The following YAF2 variants were observed in gnomAD, a reference collection of about 807,000 sequenced individuals.
YAF2 encodes YY1-associated factor 2.
In YAF2, 7 loss-of-function variants were observed where a neutral mutation model predicts 20.1. The observed-to-expected ratio is 0.35, with a 90% CI of 0.20 to 0.65. YAF2 has a LOEUF of 0.65. Ranked by LOEUF, YAF2 falls within the 30% of genes least tolerant of loss-of-function variation. The pLI, the probability that YAF2 is intolerant of heterozygous loss-of-function variation, is 0.69. For synonymous variants in YAF2, 74 were observed against 76.0 expected (o/e 0.97, Z 0.14); for missense variants, 151 against 219.2 (o/e 0.69, Z 1.96).
At chr12:42,184,899 G>A (rs867774568) in intron 2 of YAF2, among the ~76,000 whole-genome samples, 9 of 152,224 alleles carry the variant, frequency 5.9e-5, no homozygotes, top group African/African-American at 1.9e-4. Flanking sequence ...GAATTAGGCC[G>A]GTGTGGTGGC....
chr12:42,188,221 G>A (rs1453576765), intron 2 of YAF2, among the ~76,000 whole-genome samples: 3 of 152,036 alleles, frequency 2.0e-5, no homozygotes, highest in African/African-American at 7.2e-5. Context: ...ACAGAAGAGA[G>A]AAAAAGGGAG....
chr12:42,180,119 T>TA (rs1166961131), intron 2 of YAF2, among the ~76,000 whole-genome samples: 1 of 152,206 alleles, frequency 6.6e-6, no homozygotes, highest in Non-Finnish European at 1.5e-5. Flanking sequence ...TGGCCACTAG[T>TA]AATCCCTGCC....
At chr12:42,195,645 G>C (rs924442822) in intron 2 of YAF2, among the ~76,000 whole-genome samples, 17 of 152,138 alleles carry the variant, frequency 1.1e-4, no homozygotes, top group Non-Finnish European at 2.1e-4. Context: ...TATTTACAAT[G>C]TACCTATTTT....
At chr12:42,191,307 G>A (rs2066606670) in intron 2 of YAF2, among the ~76,000 whole-genome samples, 2 of 152,072 alleles carry the variant, frequency 1.3e-5, no homozygotes, top group Non-Finnish European at 2.9e-5. Flanking sequence ...GATTATCAGT[G>A]TCTCTTTTTC....
intron 2 of YAF2, among the ~76,000 whole-genome samples, chr12:42,236,330 T>C (rs11181383): frequency 0.19 from 28,926 of 152,230 alleles, 2,882 homozygotes; most frequent in Admixed American, 0.25. Context: ...CAAATACTTT[T>C]TTTCTTTTTG....
At chr12:42,218,402 T>C (rs1431188638) in intron 2 of YAF2, among the ~76,000 whole-genome samples, 1 of 152,232 alleles carries the variant, frequency 6.6e-6, no homozygotes, top group Non-Finnish European at 1.5e-5. Flanking sequence ...ATGACTGTTG[T>C]TAGTATACCT....
At chr12:42,161,483 T>C (rs1325438772) in intron 3 of YAF2, 130 bp downstream of exon 3, 14 of 1,057,476 alleles carry the variant, frequency 1.3e-5, no homozygotes, top group Non-Finnish European at 1.6e-5. Flanking sequence ...CAGTAAAACC[T>C]TTCCTGATAC....
chr12:42,198,499 T>C (rs1222922170), intron 2 of YAF2, among the ~76,000 whole-genome samples: 1 of 152,170 alleles, frequency 6.6e-6, no homozygotes, highest in African/African-American at 2.4e-5. Context: ...GGTGCAAGAA[T>C]TGCTTGAGCC....
intron 2 of YAF2, among the ~76,000 whole-genome samples, chr12:42,180,635 T>C (rs2066318864): frequency 6.6e-6 from 1 of 152,204 alleles, no homozygotes; most frequent in Admixed American, 6.5e-5. Context: ...AACTAATATA[T>C]GTATTTATAC....
intron 2 of YAF2, among the ~76,000 whole-genome samples, chr12:42,226,484 A>T (rs1370478808): frequency 2.0e-5 from 3 of 152,074 alleles, no homozygotes; most frequent in Admixed American, 6.6e-5. Flanking sequence ...CAACATAGGG[A>T]GACACCCCCT....
At chr12:42,179,384 C>A (rs1192929432) in intron 2 of YAF2, among the ~76,000 whole-genome samples, 1 of 152,182 alleles carries the variant, frequency 6.6e-6, no homozygotes, top group Admixed American at 6.5e-5. Context: ...GCAGGAGAAT[C>A]GCTTGAACCC....
At chr12:42,233,366 G>C (rs2068039182) in intron 2 of YAF2, 1 of 984,726 alleles carries the variant, frequency 1.0e-6, no homozygotes, top group African/African-American at 1.8e-5. Flanking sequence ...CTAAATATTT[G>C]CTATCTGAAT....
intron 2 of YAF2, chr12:42,236,071 C>A: frequency 3.3e-6 from 5 of 1,501,272 alleles, no homozygotes; most frequent in Admixed American, 2.1e-5. Context: ...GAGGGAACAA[C>A]AAAAAGCAAT....
chr12:42,198,401 T>C (rs944770877), intron 2 of YAF2, among the ~76,000 whole-genome samples: 18 of 152,092 alleles, frequency 1.2e-4, no homozygotes, highest in African/African-American at 4.1e-4. Flanking sequence ...CTGAGCAACA[T>C]GGTGAAACTC....
intron 2 of YAF2, among the ~76,000 whole-genome samples, chr12:42,194,418 C>A (rs1248795233): frequency 6.6e-6 from 1 of 152,060 alleles, no homozygotes; most frequent in Non-Finnish European, 1.5e-5. Flanking sequence ...CTGAGACAGG[C>A]AGATCACCTG....
intron 2 of YAF2, among the ~76,000 whole-genome samples, chr12:42,200,156 C>G (rs896357015): frequency 6.6e-6 from 1 of 152,182 alleles, no homozygotes; most frequent in African/African-American, 2.4e-5. Flanking sequence ...AGTTTACACT[C>G]TGGTAGTTTC....
chr12:42,198,351 G>A (rs968447938), intron 2 of YAF2, among the ~76,000 whole-genome samples: 3 of 152,204 alleles, frequency 2.0e-5, no homozygotes, highest in Admixed American at 1.3e-4. Flanking sequence ...GGAAGGCTGA[G>A]GCAGGTGGAT....
chr12:42,200,642 C>T (rs957914797), intron 2 of YAF2, among the ~76,000 whole-genome samples: 1 of 152,208 alleles, frequency 6.6e-6, no homozygotes, highest in Non-Finnish European at 1.5e-5. Flanking sequence ...AGTTTCCTTT[C>T]ACCATCATCA....
At chr12:42,220,016 CCTTCTCAGAGACTGGAGGA>C (rs2067469121) in intron 2 of YAF2, among the ~76,000 whole-genome samples, 1 of 152,144 alleles carries the variant, frequency 6.6e-6, no homozygotes, top group African/African-American at 2.4e-5. Flanking sequence ...CAAACTGGAG[CCTTCTCAGAGACTGGAGGA>C]CTTCTCAGAG....
Sources: allele counts gnomAD v4.1 joint callset (sites outside exome capture counted in the v4.1 genomes callset), GRCh38; gene constraint gnomAD v4.1.1; transcripts MANE v1.5; gene names NCBI Gene and HGNC (gene_info 2026-07-23, HGNC 2026-07-21).